The following TTC3 variants were observed in gnomAD, a reference collection of about 807,000 sequenced individuals.
TTC3 encodes E3 ubiquitin-protein ligase TTC3.
In TTC3, 180 loss-of-function variants were observed where a neutral mutation model predicts 249.6. That is an observed-to-expected ratio of 0.72 (90% CI 0.64 to 0.82). TTC3 has a LOEUF of 0.82. Ranked by LOEUF, TTC3 falls within the 40% of genes least tolerant of loss-of-function variation. The probability of loss-of-function intolerance (pLI) is 0.00; values close to 1 mark genes in which losing one functional copy is unlikely to be tolerated. For synonymous variants in TTC3, 717 were observed against 805.0 expected (o/e 0.89, Z 1.85); for missense variants, 2,061 against 2,398.4 (o/e 0.86, Z 2.94).
At chr21:37,076,096 T>C (rs2070826862) in intron 1 of TTC3, among the ~76,000 whole-genome samples, 1 of 152,212 alleles carries the variant, frequency 6.6e-6, no homozygotes, top group African/African-American at 2.4e-5. Flanking sequence ...GTGTATATTA[T>C]GCCTTGTTTT....
chr21:37,085,818 G>A (rs935963801), intron 1 of TTC3: 3 of 152,190 alleles, frequency 2.0e-5, no homozygotes, highest in Non-Finnish European at 2.9e-5. Context: ...ATCTTGAAAC[G>A]TGACAGTAAC....
At position 37,165,554 on chromosome 21, in the gene TTC3, TTC is replaced by T. The variant is rs774158308; in HGVS notation, c.3345_3346del (p.Gln1116ValfsTer12). 6.3e-7 allele frequency: 1 copy of T among 1,583,238 alleles called. No individual in the cohort carries two copies. Among genetic ancestry groups the T allele is most frequent in the Non-Finnish European group, 8.6e-7 (1 of 1,165,578 alleles). On this transcript the variant is annotated frameshift_variant, in exon 33 of 46. Coordinates refer to ENST00000355666, the Ensembl canonical transcript of TTC3. LOFTEE classifies it high-confidence loss of function. ...TAAATGTAAATTTTTTCCAAGTTAC[TTC>T]TCTCAGTTTTTGGAGGAACATGGTC... is the stretch of plus-strand genomic sequence containing the variant.
At chr21:37,095,564 G>C in intron 9 of TTC3, 120 bp downstream of exon 9, 1 of 642,678 alleles carries the variant, frequency 1.6e-6, no homozygotes, top group Non-Finnish European at 2.6e-6. Flanking sequence ...GTGCAGAATA[G>C]ATTTTCTCAT....
intron 11 of TTC3, among the ~76,000 whole-genome samples, chr21:37,118,626 C>G (rs1292593430): frequency 6.6e-6 from 1 of 152,156 alleles, no homozygotes; most frequent in Non-Finnish European, 1.5e-5. Flanking sequence ...TTAATTGGCT[C>G]ATGTAACTGA....
chr21:37,108,566 G>A (rs1462524676), intron 11 of TTC3, 120 bp downstream of exon 11: 1 of 940,948 alleles, frequency 1.1e-6, no homozygotes, highest in African/African-American at 1.7e-5. Flanking sequence ...GCTCCAGAAT[G>A]TGAAAGGGGA....
At chr21:37,174,333 A>G (rs576380234) in intron 35 of TTC3, among the ~76,000 whole-genome samples, 79 of 152,208 alleles carry the variant, frequency 5.2e-4, no homozygotes, top group Admixed American at 3.3e-4. Flanking sequence ...CACAGGCCTG[A>G]TAAGTTATTA....
chr21:37,100,533 G>A (rs1181639037), intron 10 of TTC3, among the ~76,000 whole-genome samples: 2 of 152,190 alleles, frequency 1.3e-5, no homozygotes, highest in Non-Finnish European at 2.9e-5. Context: ...CAGTGGCAGT[G>A]ATGATTTTAA....
At chr21:37,088,460 G>A (rs1374979335) in intron 4 of TTC3, 114 bp downstream of exon 4, 6 of 1,315,214 alleles carry the variant, frequency 4.6e-6, no homozygotes, top group East Asian at 2.3e-5. Context: ...GCTGCTCAAC[G>A]TTTGTGTAAT....
At chr21:37,103,931 G>T (rs1013200944) in intron 10 of TTC3, among the ~76,000 whole-genome samples, 1 of 152,112 alleles carries the variant, frequency 6.6e-6, no homozygotes, top group African/African-American at 2.4e-5. Context: ...AAACTGAGGA[G>T]AGAGAGCATG....
chr21:37,161,656 C>T (rs1422552624), intron 30 of TTC3, among the ~76,000 whole-genome samples: 1 of 152,180 alleles, frequency 6.6e-6, no homozygotes, highest in Non-Finnish European at 1.5e-5. Context: ...AGTAGCAAAT[C>T]TTCAAAGGAT....
intron 18 of TTC3, among the ~76,000 whole-genome samples, chr21:37,136,138 T>A (rs561127678): frequency 7.2e-5 from 11 of 152,288 alleles, no homozygotes; most frequent in African/African-American, 2.6e-4. Context: ...AACCAGCTGT[T>A]ATCTCCACCC....
At chr21:37,166,236 G>A (rs771274206) in exon 33 of TTC3, 4 of 1,614,006 alleles carry the variant, frequency 2.5e-6, no homozygotes, top group Non-Finnish European at 3.4e-6. Context: ...GTGTTACCAG[G>A]TTTGCCCCAG....
chr21:37,168,948 G>A (rs2081485642), intron 34 of TTC3, among the ~76,000 whole-genome samples: 3 of 152,196 alleles, frequency 2.0e-5, no homozygotes, highest in South Asian at 4.1e-4. Context: ...GATGTTGGCA[G>A]TTGTCAGGAA....
intron 28 of TTC3, among the ~76,000 whole-genome samples, chr21:37,159,261 T>C (rs571826460): frequency 6.6e-6 from 1 of 152,158 alleles, no homozygotes; most frequent in African/African-American, 2.4e-5. Flanking sequence ...AGAGCTTCTT[T>C]GCCCCTCCTG....
intron 27 of TTC3, among the ~76,000 whole-genome samples, chr21:37,154,324 G>A (rs968577290): frequency 2.0e-5 from 3 of 152,194 alleles, no homozygotes; most frequent in Non-Finnish European, 4.4e-5. Context: ...GAATTCTAGG[G>A]TTTCAGAGAA....
intron 27 of TTC3, among the ~76,000 whole-genome samples, chr21:37,154,342 G>T (rs2079783100): frequency 6.6e-6 from 1 of 152,166 alleles, no homozygotes; most frequent in African/African-American, 2.4e-5. Context: ...GAAGATACTG[G>T]TCAGCTTCTG....
intron 21 of TTC3, among the ~76,000 whole-genome samples, chr21:37,145,972 C>G (rs1228491873): frequency 2.6e-5 from 4 of 152,178 alleles, no homozygotes; most frequent in Admixed American, 6.5e-5. Context: ...TTTGGAGGGT[C>G]AAACATTCAA....
intron 27 of TTC3, among the ~76,000 whole-genome samples, chr21:37,154,984 C>G (rs144013531): frequency 6.6e-6 from 1 of 152,104 alleles, no homozygotes; most frequent in African/African-American, 2.4e-5. Flanking sequence ...CGTCAGCCAC[C>G]GCGCCCGGTC....
At chr21:37,100,169 C>G (rs983966866) in intron 10 of TTC3, among the ~76,000 whole-genome samples, 6 of 151,952 alleles carry the variant, frequency 3.9e-5, no homozygotes, top group Non-Finnish European at 8.8e-5. Context: ...CGGTGGGTGT[C>G]AACTGTAACA....
Sources: allele counts gnomAD v4.1 joint callset (sites outside exome capture counted in the v4.1 genomes callset), GRCh38; gene constraint gnomAD v4.1.1; transcripts MANE v1.5; gene names NCBI Gene and HGNC (gene_info 2026-07-23, HGNC 2026-07-21).